The following RBMS3 variants were observed in gnomAD, a reference collection of about 807,000 sequenced individuals.
RBMS3 encodes RNA-binding motif, single-stranded-interacting protein 3.
RBMS3 carries 27 observed loss-of-function variants against 66.8 expected under a neutral mutation model. The observed-to-expected ratio is 0.40, with a 90% CI of 0.30 to 0.56. The LOEUF (loss-of-function observed/expected upper bound fraction) is 0.56, where lower values mean the gene tolerates loss of function less well. RBMS3 is among the 20% of genes least tolerant of loss of function. The pLI is 0.40. For missense variants in RBMS3, 513 were observed against 549.5 expected, an observed-to-expected ratio of 0.93 and a Z score of 0.66; for synonymous variants, 188 against 183.0, an observed-to-expected ratio of 1.03 and a Z score of -0.22.
intron 7 of RBMS3, 112 bp downstream of exon 7, chr3:29,869,076 A>G (rs2059427835): frequency 2.4e-6 from 2 of 822,356 alleles, no homozygotes; most frequent in Non-Finnish European, 3.8e-6. Flanking sequence ...GGAACACCCA[A>G]TGTCTTCAAA....
chr3:29,688,650 T>C (rs1017763219), intron 4 of RBMS3, among the ~76,000 whole-genome samples: 7 of 132,592 alleles, frequency 5.3e-5, no homozygotes, highest in East Asian at 2.6e-4. Flanking sequence ...TGGTGTGGTC[T>C]CAGCTCACTG....
chr3:29,946,068 G>A (rs1267086347), intron 12 of RBMS3, among the ~76,000 whole-genome samples: 1 of 151,736 alleles, frequency 6.6e-6, no homozygotes, highest in Non-Finnish European at 1.5e-5. Context: ...AACATTTTGG[G>A]AGATTTCACA....
At chr3:29,979,827 G>A (rs1471883824) in intron 12 of RBMS3, among the ~76,000 whole-genome samples, 1 of 152,080 alleles carries the variant, frequency 6.6e-6, no homozygotes, top group Non-Finnish European at 1.5e-5. Flanking sequence ...TCTTTATCCA[G>A]TCTATCATTG....
At chr3:29,856,377 G>GT (rs1180282897) in intron 6 of RBMS3, among the ~76,000 whole-genome samples, 1 of 152,208 alleles carries the variant, frequency 6.6e-6, no homozygotes, top group African/African-American at 2.4e-5. Flanking sequence ...AAGGAGCAGC[G>GT]TAAGCAGATC....
At chr3:29,571,548 T>C (rs1231343125) in intron 3 of RBMS3, among the ~76,000 whole-genome samples, 1 of 152,192 alleles carries the variant, frequency 6.6e-6, no homozygotes, top group African/African-American at 2.4e-5. Context: ...CTTCAATGTG[T>C]GGCTTTGGCA....
intron 2 of RBMS3, among the ~76,000 whole-genome samples, chr3:29,461,920 A>ATTTTTTTTT (rs61115023): frequency 1.9e-4 from 18 of 93,302 alleles, no homozygotes; most frequent in South Asian, 4.5e-4. Flanking sequence ...TGCCCGGCTA[A>ATTTTTTTTT]TTTTTTTTTT....
chr3:29,783,732 C>G (rs2056722539), intron 6 of RBMS3, among the ~76,000 whole-genome samples: 1 of 152,054 alleles, frequency 6.6e-6, no homozygotes, highest in African/African-American at 2.4e-5. Flanking sequence ...CTAAATGGTC[C>G]ACTTAAAAGA....
At chr3:29,896,338 C>G (rs1045324892) in intron 8 of RBMS3, among the ~76,000 whole-genome samples, 1 of 150,972 alleles carries the variant, frequency 6.6e-6, no homozygotes, top group African/African-American at 2.4e-5. Context: ...AGTCTTTGTC[C>G]CATAAATTCC....
chr3:29,773,463 CAT>C (rs1169911489), intron 6 of RBMS3, among the ~76,000 whole-genome samples: 1 of 152,018 alleles, frequency 6.6e-6, no homozygotes, highest in East Asian at 1.9e-4. Flanking sequence ...CATATGAAAA[CAT>C]AACCATTTTC....
intron 1 of RBMS3, among the ~76,000 whole-genome samples, chr3:29,368,386 T>A (rs1183611434): frequency 1.3e-5 from 2 of 152,048 alleles, no homozygotes; most frequent in Non-Finnish European, 2.9e-5. Flanking sequence ...TTTATTGGAG[T>A]ATTGCTGGGT....
intron 4 of RBMS3, among the ~76,000 whole-genome samples, chr3:29,680,374 G>A (rs926492187): frequency 1.3e-5 from 2 of 152,180 alleles, no homozygotes; most frequent in Non-Finnish European, 2.9e-5. Flanking sequence ...TGAGCATAGC[G>A]AGTTCTAAGC....
At chr3:29,382,834 T>A (rs2038828606) in intron 1 of RBMS3, among the ~76,000 whole-genome samples, 1 of 152,192 alleles carries the variant, frequency 6.6e-6, no homozygotes, top group African/African-American at 2.4e-5. Context: ...CTGGATTTGT[T>A]ATTTTTTCTC....
chr3:29,767,423 T>C (rs757356933), intron 6 of RBMS3: 4 of 150,694 alleles, frequency 2.7e-5, no homozygotes, highest in Non-Finnish European at 5.9e-5. Flanking sequence ...CTAATCTTAA[T>C]TGAACTCTAA....
chr3:29,333,121 A>C (rs1191869263), intron 1 of RBMS3, among the ~76,000 whole-genome samples: 3 of 152,158 alleles, frequency 2.0e-5, no homozygotes, highest in Non-Finnish European at 4.4e-5. Context: ...ATATGTGTGT[A>C]TATAATCTGT....
chr3:29,915,955 C>G (rs1296925493), intron 10 of RBMS3, among the ~76,000 whole-genome samples: 3 of 151,970 alleles, frequency 2.0e-5, no homozygotes, highest in Non-Finnish European at 2.9e-5. Context: ...AAAGATTCAG[C>G]AAGGCAGCTC....
chr3:29,365,444 G>A (rs183220104), intron 1 of RBMS3, among the ~76,000 whole-genome samples: 2 of 151,830 alleles, frequency 1.3e-5, no homozygotes, highest in African/African-American at 4.8e-5. Context: ...TCGTATCAAA[G>A]AAGTAAAGGA....
intron 12 of RBMS3, among the ~76,000 whole-genome samples, chr3:29,950,543 A>C (rs1365362054): frequency 2.6e-5 from 4 of 151,848 alleles, no homozygotes; most frequent in Non-Finnish European, 5.9e-5. Context: ...TCAGGAATTG[A>C]CTATGTATGA....
chr3:29,354,668 G>A lies in RBMS3; in HGVS notation c.75+72912G>A, dbSNP rs1216562140. 2.6e-5 allele frequency among the ~76,000 whole-genome samples: 4 copies of A among 152,228 alleles called. No homozygotes were observed. In the South Asian group the frequency reaches 6.2e-4, roughly 24 times the overall value. ...AGTTAAACCAAGAATTTCAATATATGATACTACTACTAAACAGTATCAGGC... is the reference window on the plus strand; with the variant it reads ...AGTTAAACCAAGAATTTCAATATATAATACTACTACTAAACAGTATCAGGC... On this transcript the variant is annotated intron_variant, in intron 1 of 14. Coordinates refer to ENST00000383767, the MANE Select transcript of RBMS3 (RefSeq NM_001003793.3).
chr3:29,414,422 T>C (rs1283521971), intron 1 of RBMS3, among the ~76,000 whole-genome samples: 2 of 152,200 alleles, frequency 1.3e-5, no homozygotes, highest in South Asian at 2.1e-4. Flanking sequence ...AATAAGTAAG[T>C]TGGAACCAAA....
Sources: allele counts gnomAD v4.1 joint callset (sites outside exome capture counted in the v4.1 genomes callset), GRCh38; gene constraint gnomAD v4.1.1; transcripts MANE v1.5; gene names NCBI Gene and HGNC (gene_info 2026-07-23, HGNC 2026-07-21).